Variants in LRRC8A observed in about 807,000 individuals in gnomAD.
LRRC8A encodes the protein volume-regulated anion channel subunit LRRC8A.
A neutral mutation model predicts 52.5 loss-of-function variants in LRRC8A; 24 were observed. The ratio of observed to expected loss-of-function variants is 0.46; its 90% CI spans 0.33 to 0.64. The LOEUF is 0.64. Among genes scored for constraint, LRRC8A ranks in the 30% least tolerant of loss-of-function variants. The probability of loss-of-function intolerance (pLI) is 0.02; values close to 1 mark genes in which losing one functional copy is unlikely to be tolerated. For missense variants in LRRC8A, 677 were observed against 1,094.7 expected (o/e 0.62, Z 5.38); for synonymous variants, 492 against 494.2 (o/e 1.00, Z 0.06).
intron 1 of LRRC8A, chr9:128,882,840 G>C: frequency 2.5e-6 from 1 of 398,770 alleles, no homozygotes; most frequent in Non-Finnish European, 4.4e-6. Context: ...CCCTGTCCCA[G>C]TCCTGTGCAT....
intron 2 of LRRC8A, among the ~76,000 whole-genome samples, chr9:128,901,248 A>AG: frequency 6.6e-6 from 1 of 152,142 alleles, no homozygotes; most frequent in Non-Finnish European, 1.5e-5. Context: ...GTGGATCATG[A>AG]GGTCAGGAGA....
intron 2 of LRRC8A, among the ~76,000 whole-genome samples, chr9:128,889,710 G>A (rs1219404500): frequency 1.3e-5 from 2 of 152,018 alleles, no homozygotes; most frequent in Non-Finnish European, 2.9e-5. Context: ...GGCCATGGCT[G>A]GTCTCGATCT....
chr9:128,898,220 T>TTTTG lies in LRRC8A; in HGVS notation c.-8-8925_-8-8922dup, dbSNP rs202228771. On this transcript the variant is annotated intron_variant, in intron 2 of 3. Transcript: ENST00000372600. ...CCCTTATCTGATCATTGAGTATGTT[T>TTTTG]TTTGTTTGTTTGTTTTGTGAGACGG... is the stretch of plus-strand genomic sequence containing the variant. Among the ~76,000 whole-genome samples, 629 of 152,238 alleles carry TTTTG rather than the reference T, an allele frequency of 4.1e-3. 13 individuals carry two copies. The highest frequency in any genetic ancestry group is 0.041 in the East Asian group (212 of 5,170).
At chr9:128,913,062 G>A (rs1274148932) in intron 3 of LRRC8A, among the ~76,000 whole-genome samples, 2 of 152,186 alleles carry the variant, frequency 1.3e-5, no homozygotes, top group Non-Finnish European at 2.9e-5. Context: ...AGGCTCATGG[G>A]TGAAGATGGG....
intron 2 of LRRC8A, among the ~76,000 whole-genome samples, chr9:128,897,877 T>C (rs1279334663): frequency 1.3e-5 from 2 of 148,978 alleles, no homozygotes; most frequent in Non-Finnish European, 1.5e-5. Context: ...GAGTAACAAA[T>C]GGTTATAATA....
chr9:128,904,705 C>T (rs529199717), intron 2 of LRRC8A, among the ~76,000 whole-genome samples: 18 of 151,844 alleles, frequency 1.2e-4, no homozygotes, highest in Admixed American at 6.6e-4. Flanking sequence ...AAAAATTAGC[C>T]GGGCATGGGC....
At position 128,909,187 on chromosome 9, in the gene LRRC8A, G is replaced by A. The variant is rs754020074; in HGVS notation, c.2023G>A (p.Glu675Lys). The change falls in exon 3 of 4, where the codon GAG becomes AAG. Residue 675 changes from glutamate to lysine, a missense_variant. Glu to Lys is a moderately conservative substitution (Grantham distance 56, BLOSUM62 1). Coordinates refer to ENST00000372600, the MANE Select transcript of LRRC8A (RefSeq NM_019594.4). ...ERLYLNRNKI[E>K]KIPTQLFYCR... ...CCTCTACCTGAACCGCAACAAGATC[G>A]AGAAGATCCCCACCCAGCTCTTCTA... The A allele has an allele frequency of 1.2e-5, 19 of 1,613,988 alleles. No individual in the cohort carries two copies. Among genetic ancestry groups the A allele is most frequent in the East Asian group, 4.5e-5 (2 of 44,900 alleles).
chr9:128,911,389 G>A lies in LRRC8A; in HGVS notation c.2157+2068G>A, dbSNP rs1840521665. Among the ~76,000 whole-genome samples the A allele has an allele frequency of 6.6e-6, 1 of 152,170 alleles. No homozygotes were observed. The highest frequency in any genetic ancestry group is 1.5e-5 in the Non-Finnish European group (1 of 68,022). ...GGGCAGGGTTTTCTCTTGTAGTTTC[G>A]GGACAGGCCCACTGAATAGGAAAAC... On this transcript the variant is annotated intron_variant, in intron 3 of 3. Coordinates refer to ENST00000372600, the MANE Select transcript of LRRC8A (RefSeq NM_019594.4). This position sits in a 1 kb window ranked among gnomAD's most constrained non-coding sequence, Gnocchi z 4.9.
At chr9:128,888,652 G>A (rs1839488755) in intron 2 of LRRC8A, among the ~76,000 whole-genome samples, 1 of 152,154 alleles carries the variant, frequency 6.6e-6, no homozygotes. Context: ...GGCAAGGAGA[G>A]CATACAGGCG....
Position 128,899,969 on chromosome 9 carries a change from C to T in LRRC8A, c.-8-7188C>T, listed in dbSNP as rs1370760217. On this transcript the variant is annotated intron_variant, in intron 2 of 3. Transcript: ENST00000372600. The surrounding 1 kb of genome is among the most constrained non-coding windows in gnomAD (Gnocchi z 4.0). The stretch of plus-strand genomic sequence containing the variant: ...TGGAAACAATGGGGACCTCCTGGCT[C>T]AGTGCAGGGGAGAATCTGGCCTTGG... Among the ~76,000 whole-genome samples the T allele has an allele frequency of 2.0e-5, 3 of 152,216 alleles. No homozygotes were observed. Among genetic ancestry groups the T allele is most frequent in the Admixed American group, 6.5e-5 (1 of 15,288 alleles).
chr9:128,905,293 T>G (rs924251967), intron 2 of LRRC8A, among the ~76,000 whole-genome samples: 3 of 152,262 alleles, frequency 2.0e-5, no homozygotes, highest in Non-Finnish European at 4.4e-5. Context: ...CTTTTTTTGC[T>G]GCTACGCTTT....
intron 2 of LRRC8A, among the ~76,000 whole-genome samples, chr9:128,898,897 T>TC: frequency 6.6e-6 from 1 of 152,220 alleles, no homozygotes; most frequent in East Asian, 1.9e-4. Context: ...TTTGTCACCT[T>TC]CCGCCATGTT....
At chr9:128,912,467 A>G (rs1220247608) in intron 3 of LRRC8A, among the ~76,000 whole-genome samples, 1 of 79,660 alleles carries the variant, frequency 1.3e-5, no homozygotes, top group Non-Finnish European at 2.4e-5. Context: ...TGGGCTGCCC[A>G]GGAATGTGGG....
At chr9:128,894,789 C>CG (rs1326733532) in intron 2 of LRRC8A, among the ~76,000 whole-genome samples, 4 of 21,662 alleles carry the variant, frequency 1.8e-4, no homozygotes, top group African/African-American at 7.8e-4. Context: ...TGAGACTCTA[C>CG]CTCAAAAAAA....
chr9:128,903,900 C>T (rs918062871), intron 2 of LRRC8A, among the ~76,000 whole-genome samples: 18 of 152,000 alleles, frequency 1.2e-4, no homozygotes, highest in South Asian at 6.2e-4. Flanking sequence ...TGGTGGCGGG[C>T]GTCTGTAATC....
rs911804836 is a variant in LRRC8A at position 128,917,119 on chromosome 9, A to G, written c.*748A>G. On this transcript the variant is annotated 3_prime_UTR_variant, in exon 4 of 4. Coordinates refer to ENST00000372600, the MANE Select transcript of LRRC8A (RefSeq NM_019594.4). ...GGTATTAAAAAGAAAAAAAAAACTT[A>G]AAAAAAAAAAGACACTAACGGCCAG... 16 of 145,020 alleles carry G rather than the reference A, an allele frequency of 1.1e-4. No individual in the cohort carries two copies. The highest frequency in any genetic ancestry group is 3.8e-4 in the African/African-American group (15 of 39,442). 9.0% of individuals were successfully genotyped at this position (145,020 alleles called of 1,614,324 possible). A position where few individuals can be genotyped will look rare whatever the true frequency, so the allele number is the denominator to read the frequency against.
intron 2 of LRRC8A, among the ~76,000 whole-genome samples, chr9:128,893,462 A>C (rs1021270997): frequency 6.6e-6 from 1 of 152,122 alleles, no homozygotes. Context: ...TCCATCTTGC[A>C]GTTGAGGACA....
intron 3 of LRRC8A, among the ~76,000 whole-genome samples, chr9:128,915,481 T>C (rs1255304592): frequency 5.9e-5 from 9 of 152,052 alleles, no homozygotes; most frequent in African/African-American, 2.4e-5. Flanking sequence ...CCCGGCACCA[T>C]GCCCGGCTAA....
At position 128,908,227 on chromosome 9, in the gene LRRC8A, T is replaced by A. The variant is rs372596695; in HGVS notation, c.1063T>A (p.Ser355Thr). 1.2e-6 allele frequency: 2 copies of A among 1,613,806 alleles called. No homozygotes were observed. Among genetic ancestry groups the A allele is most frequent in the Non-Finnish European group, 1.7e-6 (2 of 1,180,002 alleles). Residue 355 changes from serine to threonine, a missense_variant, in exon 3 of 4, where the codon TCG (serine) becomes ACG (threonine). Coordinates refer to ENST00000372600, the MANE Select transcript of LRRC8A (RefSeq NM_019594.4). ...RRSLKKYSFESIREESSYSDI... is the reference protein window; with the variant it reads ...RRSLKKYSFETIREESSYSDI... Reference sequence around the variant, plus strand: ...CTCCCTCAAGAAGTACTCGTTTGAGTCGATCCGTGAGGAGAGCAGCTACAG... The same window carrying A: ...CTCCCTCAAGAAGTACTCGTTTGAGACGATCCGTGAGGAGAGCAGCTACAG...
Sources: gnomAD v4.1 joint callset for allele counts (sites outside exome capture counted in the v4.1 genomes callset) on GRCh38, gnomAD v4.1.1 for gene constraint, Gnocchi (gnomAD v3.1) non-coding constraint, MANE v1.5 for transcripts, NCBI Gene and HGNC (gene_info 2026-07-23, HGNC 2026-07-21) for gene names.